The following SAP30BP variants were observed in gnomAD, a reference collection of about 807,000 sequenced individuals.
SAP30BP encodes SAP30 binding protein, also known as SAP30-binding protein.
SAP30BP carries 31 observed loss-of-function variants against 46.3 expected under a neutral mutation model. That is an observed-to-expected ratio of 0.67 (90% CI 0.50 to 0.90). SAP30BP has a LOEUF of 0.90. SAP30BP is among the 40% of genes least tolerant of loss of function. The probability of loss-of-function intolerance (pLI) is 0.00; values close to 1 mark genes in which losing one functional copy is unlikely to be tolerated. For synonymous variants in SAP30BP, 169 were observed against 144.2 expected (o/e 1.17, Z -1.23); for missense variants, 312 against 391.0 (o/e 0.80, Z 1.70).
At chr17:75,695,186 A>G (rs557521386) in intron 4 of SAP30BP, among the ~76,000 whole-genome samples, 21 of 152,266 alleles carry the variant, frequency 1.4e-4, no homozygotes, top group Non-Finnish European at 2.9e-4. Flanking sequence ...TTAGGGCTGG[A>G]TGAGTCTTTG....
chr17:75,702,084 A>G (rs2060420324), intron 5 of SAP30BP, among the ~76,000 whole-genome samples: 1 of 152,260 alleles, frequency 6.6e-6, no homozygotes, highest in East Asian at 1.9e-4. Context: ...GTGCAGTGGC[A>G]TGATCTCAGC....
At chr17:75,690,239 A>G (rs995194646) in intron 3 of SAP30BP, among the ~76,000 whole-genome samples, 12 of 152,098 alleles carry the variant, frequency 7.9e-5, no homozygotes, top group African/African-American at 2.4e-4. Flanking sequence ...AATACCTCCT[A>G]TCTGAGACAT....
At chr17:75,703,611 T>C (rs564792568) in intron 7 of SAP30BP, 197 bp from the exon 8 acceptor site, 207 of 642,238 alleles carry the variant, frequency 3.2e-4, no homozygotes, top group Non-Finnish European at 1.3e-4. Context: ...CTGCTGCTCC[T>C]GGGGTTCGCT....
intron 4 of SAP30BP, 146 bp from the exon 5 acceptor site, chr17:75,699,637 G>T: frequency 1.8e-6 from 1 of 543,420 alleles, no homozygotes; most frequent in Non-Finnish European, 3.3e-6. Context: ...TGACACCTCA[G>T]AGAGGCCACA....
chr17:75,695,929 A>G (rs1185651789), intron 4 of SAP30BP, among the ~76,000 whole-genome samples: 1 of 151,982 alleles, frequency 6.6e-6, no homozygotes, highest in Non-Finnish European at 1.5e-5. Flanking sequence ...TCTCTCTGTC[A>G]CTCAGGAGCT....
In SAP30BP at chr17:75,674,261, T is replaced by C. The variant is rs571831698; in HGVS notation, c.264+2398T>C. On this transcript the variant is annotated intron_variant, in intron 3 of 10. Transcript: ENST00000584667. ...GCAACATGTACCTCAAATCCAGAAC[T>C]TTCTGGCACATTTACATTTTATTTT... 2.0e-5 allele frequency among the ~76,000 whole-genome samples: 3 copies of C among 152,232 alleles called. 1 individual carries two copies. Among genetic ancestry groups the C allele is most frequent in the African/African-American group, 7.2e-5 (3 of 41,556 alleles).
chr17:75,701,801 A>C (rs1432474395), intron 5 of SAP30BP, among the ~76,000 whole-genome samples: 1 of 152,110 alleles, frequency 6.6e-6, no homozygotes, highest in East Asian at 1.9e-4. Context: ...TATCAACACC[A>C]ACCCCTAAAC....
intron 3 of SAP30BP, chr17:75,691,597 A>G (rs1599143027): frequency 4.8e-6 from 2 of 413,606 alleles, no homozygotes; most frequent in African/African-American, 2.1e-5. Flanking sequence ...GCTTTGGGGT[A>G]GACATGGTAG....
At chr17:75,671,493 T>C (rs1306908775) in intron 2 of SAP30BP, among the ~76,000 whole-genome samples, 1 of 152,212 alleles carries the variant, frequency 6.6e-6, no homozygotes, top group Non-Finnish European at 1.5e-5. Context: ...TCTTACTCTT[T>C]CCTAAAACAT....
intron 3 of SAP30BP, among the ~76,000 whole-genome samples, chr17:75,687,940 G>GTA (rs2060183911): frequency 1.0e-5 from 1 of 96,670 alleles, no homozygotes; most frequent in Non-Finnish European, 2.4e-5. Context: ...GTGTGTGTGT[G>GTA]TGTGTGTGTG....
At chr17:75,675,915 TCAAA>T (rs1016146148) in intron 3 of SAP30BP, among the ~76,000 whole-genome samples, 1 of 152,186 alleles carries the variant, frequency 6.6e-6, no homozygotes, top group African/African-American at 2.4e-5. Context: ...AAACCTTGTC[TCAAA>T]CAAACAAACC....
chr17:75,685,545 C>T (rs2060143538), intron 3 of SAP30BP, among the ~76,000 whole-genome samples: 1 of 152,162 alleles, frequency 6.6e-6, no homozygotes, highest in Non-Finnish European at 1.5e-5. Context: ...GTATATTTGC[C>T]TGAGATGTTG....
intron 9 of SAP30BP, chr17:75,705,522 C>T (rs2060482525): frequency 3.0e-6 from 2 of 667,274 alleles, no homozygotes; most frequent in African/African-American, 2.0e-5. Context: ...AACGTGGGAG[C>T]TGGTGCAAGG....
At chr17:75,704,880 G>T in intron 9 of SAP30BP, 66 bp downstream of exon 9, 1 of 1,304,924 alleles carries the variant, frequency 7.7e-7, no homozygotes. Flanking sequence ...TGCTGGCTGA[G>T]CCCAGAAGGT....
At chr17:75,672,713 T>C (rs1347809368) in intron 3 of SAP30BP, among the ~76,000 whole-genome samples, 1 of 152,114 alleles carries the variant, frequency 6.6e-6, no homozygotes. Flanking sequence ...TCCCAGCACT[T>C]TGGGAGGCTG....
intron 3 of SAP30BP, among the ~76,000 whole-genome samples, chr17:75,683,174 G>A (rs913847131): frequency 6.7e-6 from 1 of 149,868 alleles, no homozygotes; most frequent in Non-Finnish European, 1.5e-5. Flanking sequence ...CTCCCCAATA[G>A]CTGGGACTAC....
chr17:75,667,521 G>A, intron 1 of SAP30BP, 43 bp downstream of exon 1: 1 of 1,561,584 alleles, frequency 6.4e-7, no homozygotes, highest in Non-Finnish European at 8.8e-7. Flanking sequence ...TCGGGTGTCT[G>A]CCCGGAATGC....
chr17:75,681,136 AAAT>A (rs2060069666), intron 3 of SAP30BP, among the ~76,000 whole-genome samples: 2 of 152,358 alleles, frequency 1.3e-5, no homozygotes, highest in Non-Finnish European at 1.5e-5. Context: ...CTGCTTAAAA[AAAT>A]AATATGTGTA....
At chr17:75,670,921 A>G (rs1804337125) in intron 2 of SAP30BP, among the ~76,000 whole-genome samples, 1 of 152,216 alleles carries the variant, frequency 6.6e-6, no homozygotes, top group South Asian at 2.1e-4. Context: ...CTGGGTATTT[A>G]GTTAAAGGCT....
Sources: allele counts gnomAD v4.1 joint callset (sites outside exome capture counted in the v4.1 genomes callset), GRCh38; gene constraint gnomAD v4.1.1; transcripts MANE v1.5; gene names NCBI Gene and HGNC (gene_info 2026-07-23, HGNC 2026-07-21).